Variants in TRPA1 observed in about 807,000 individuals in gnomAD.
The protein encoded by TRPA1 is ankyrin-like with transmembrane domains 1.
In TRPA1, 129 loss-of-function variants were observed where a neutral mutation model predicts 131.3. The ratio of observed to expected loss-of-function variants is 0.98; its 90% CI spans 0.85 to 1.14. TRPA1 has a LOEUF of 1.14. TRPA1 is among the 50% of genes most tolerant of loss of function. The pLI, the probability that TRPA1 is intolerant of heterozygous loss-of-function variation, is 0.00. For missense variants in TRPA1, 1,304 were observed against 1,354.2 expected (o/e 0.96, Z 0.58); for synonymous variants, 441 against 451.7 (o/e 0.98, Z 0.30).
rs575243951 is a variant in TRPA1, at chr8:72,034,348, A to G, written c.2585T>C (p.Met862Thr). The change falls in exon 22 of 27, where the codon ATG (methionine) becomes ACG (threonine). Residue 862 changes from methionine (M) to threonine (T), a missense_variant. Met to Thr is a moderately conservative substitution (Grantham distance 81, BLOSUM62 -1). Transcript: ENST00000262209. ...CAAAGTTTTCAAAATTACCTCCAAC[A>G]TAACAATAAAAATTCCACAATTTTC... ...RFENCGIFIV[M>T]LEVILKTLLR... The G allele has an allele frequency of 6.5e-7, 1 of 1,544,342 alleles. No homozygotes were observed. Among genetic ancestry groups the G allele is most frequent in the South Asian group, 1.2e-5 (1 of 84,352 alleles).
intron 6 of TRPA1, chr8:72,062,402 T>C (rs1228832619): frequency 4.7e-6 from 1 of 210,844 alleles, no homozygotes; most frequent in Non-Finnish European, 9.5e-6. Context: ...TTCACATACA[T>C]ATTCTTAGAA....
At chr8:72,036,529 C>T in intron 20 of TRPA1, 72 bp from the exon 21 acceptor site, 1 of 1,384,950 alleles carries the variant, frequency 7.2e-7, no homozygotes, top group Non-Finnish European at 1.0e-6. Flanking sequence ...ATACATGCAC[C>T]CCGTAATACA....
chr8:72,044,666 G>A (rs1041854641), intron 17 of TRPA1, among the ~76,000 whole-genome samples: 3 of 151,940 alleles, frequency 2.0e-5, no homozygotes, highest in South Asian at 4.1e-4. Context: ...GCTCCAGTTT[G>A]TCTTAATCTC....
intron 21 of TRPA1, among the ~76,000 whole-genome samples, chr8:72,035,619 G>A (rs1458618424): frequency 6.6e-6 from 1 of 152,132 alleles, no homozygotes; most frequent in Non-Finnish European, 1.5e-5. Context: ...CCAACTGTCA[G>A]AGGCCCGGGA....
rs1811499282 is a variant in TRPA1 at position 72,024,148 on chromosome 8, T to C, written c.3052-237A>G. 1.3e-5 allele frequency among the ~76,000 whole-genome samples: 2 copies of C among 152,080 alleles called. 1 individual carries two copies. Among genetic ancestry groups the C allele is most frequent in the South Asian group, 4.1e-4 (2 of 4,826 alleles). On this transcript the variant is annotated intron_variant, in intron 25 of 26. Transcript: ENST00000262209. ...ACAGATAAAACAGAAGAGGAGTAAA[T>C]TAGGACAGAAATTGTTTAGAATGAG...
rs750129482 is a variant in TRPA1, at chr8:72,039,814, A to T, written c.2062-17T>A. On this transcript the variant is annotated splice_polypyrimidine_tract_variant and intron_variant, in intron 17 of 26. Transcript: ENST00000262209. ...TACCATTGCCTGAGAAATAAAAAAA[A>T]GTGTAATAAAAACACAATCATAATC... is the stretch of plus-strand genomic sequence containing the variant. The T allele has an allele frequency of 3.1e-5, 48 of 1,561,764 alleles. 1 individual carries two copies. The highest frequency in any genetic ancestry group is 3.0e-4 in the South Asian group (27 of 89,988).
At chr8:72,028,073 C>A (rs1330085065) in intron 24 of TRPA1, among the ~76,000 whole-genome samples, 3 of 152,116 alleles carry the variant, frequency 2.0e-5, no homozygotes, top group Non-Finnish European at 4.4e-5. Context: ...TTATACATCT[C>A]CTCTCCATAT....
chr8:72,029,801 T>C (rs1490271494), intron 24 of TRPA1, 100 bp downstream of exon 24: 1 of 1,077,918 alleles, frequency 9.3e-7, no homozygotes, highest in African/African-American at 1.6e-5. Flanking sequence ...ATAACTGGCA[T>C]ATTCCTACAA....
Position 72,034,241 on chromosome 8 carries a change from G to A in TRPA1, c.2685+7C>T. ...GACAAAATCAACTACTGATGTAACT[G>A]TCTTACCTGTAAATTCAGGAGGATG... is the stretch of plus-strand genomic sequence containing the variant. On this transcript the variant is annotated splice_region_variant and intron_variant, in intron 22 of 26. Transcript: ENST00000262209. The A allele has an allele frequency of 1.2e-6, 2 of 1,604,640 alleles. No homozygotes were observed. The highest frequency in any genetic ancestry group is 1.7e-6 in the Non-Finnish European group (2 of 1,176,442).
chr8:72,069,598 C>T (rs1010584371), intron 2 of TRPA1, among the ~76,000 whole-genome samples: 1 of 152,030 alleles, frequency 6.6e-6, no homozygotes, highest in Non-Finnish European at 1.5e-5. Context: ...TGCAAAGTAA[C>T]ACCATGACAA....
chr8:72,057,612 C>A, intron 9 of TRPA1, 105 bp downstream of exon 9: 1 of 901,530 alleles, frequency 1.1e-6, no homozygotes, highest in South Asian at 1.3e-5. Flanking sequence ...GCCTGGCACA[C>A]AATAGATGGT....
At chr8:72,030,230 G>T (rs1383529639) in intron 23 of TRPA1, among the ~76,000 whole-genome samples, 1 of 152,126 alleles carries the variant, frequency 6.6e-6, no homozygotes, top group East Asian at 1.9e-4. Flanking sequence ...AGGCAAAGGA[G>T]CTAATAAGCT....
At chr8:72,072,699 G>C (rs1806092418) in intron 1 of TRPA1, among the ~76,000 whole-genome samples, 1 of 152,238 alleles carries the variant, frequency 6.6e-6, no homozygotes, top group East Asian at 1.9e-4. Flanking sequence ...CTATTTGGAA[G>C]CATTTTGGTA....
intron 23 of TRPA1, among the ~76,000 whole-genome samples, chr8:72,032,303 A>G (rs1489428162): frequency 6.6e-6 from 1 of 152,200 alleles, no homozygotes; most frequent in Non-Finnish European, 1.5e-5. Context: ...AAATTAGACA[A>G]AGCAGTGTGA....
intron 20 of TRPA1, among the ~76,000 whole-genome samples, chr8:72,037,168 A>C (rs916627908): frequency 2.7e-4 from 41 of 152,300 alleles, no homozygotes; most frequent in African/African-American, 8.7e-4. Flanking sequence ...TAATGTACCT[A>C]TATGAAAGTA....
At chr8:72,024,049 T>G in intron 25 of TRPA1, 138 bp from the exon 26 acceptor site, 1 of 641,944 alleles carries the variant, frequency 1.6e-6, no homozygotes, top group Non-Finnish European at 2.9e-6. Flanking sequence ...CACAATCTGC[T>G]AGGAGAAAGA....
chr8:72,075,289 C>A lies in TRPA1; in HGVS notation c.111+10G>T. The A allele has an allele frequency of 1.2e-6, 2 of 1,609,838 alleles. No homozygotes were observed. The highest frequency in any genetic ancestry group is 1.1e-5 in the South Asian group (1 of 91,012). On this transcript the variant is annotated intron_variant, in intron 1 of 26. Transcript: ENST00000262209. Reference sequence around the variant, plus strand: ...CGGAACCCCTCCAGACCCGCGAGCCCCCAGAGTACCTTAAGCGATTCCTTG... The same window carrying A: ...CGGAACCCCTCCAGACCCGCGAGCCACCAGAGTACCTTAAGCGATTCCTTG...
At chr8:72,065,414 G>A in intron 4 of TRPA1, 37 bp downstream of exon 4, 3 of 1,466,048 alleles carry the variant, frequency 2.0e-6, no homozygotes, top group Non-Finnish European at 9.5e-7. Flanking sequence ...TTCATGAAAA[G>A]ATAAAGAAAG....
At chr8:72,042,420 T>G (rs778613816) in intron 17 of TRPA1, among the ~76,000 whole-genome samples, 5 of 151,994 alleles carry the variant, frequency 3.3e-5, no homozygotes, top group African/African-American at 1.2e-4. Flanking sequence ...ATAACAAGTA[T>G]TGGTGAGCAT....
Sources: gnomAD v4.1 joint callset for allele counts (sites outside exome capture counted in the v4.1 genomes callset) on GRCh38, gnomAD v4.1.1 for gene constraint, MANE v1.5 for transcripts, NCBI Gene and HGNC (gene_info 2026-07-23, HGNC 2026-07-21) for gene names.